Variants in DPP6 observed in about 807,000 individuals in gnomAD.
DPP6 encodes A-type potassium channel modulatory protein DPP6.
A neutral mutation model predicts 122.6 loss-of-function variants in DPP6; 69 were observed. The observed-to-expected ratio is 0.56, with a 90% confidence interval of 0.46 to 0.69. The LOEUF is 0.69. DPP6 is among the 30% of genes least tolerant of loss of function. The pLI, the probability that DPP6 is intolerant of heterozygous loss-of-function variation, is 0.00. For missense variants in DPP6, 928 were observed against 1,116.9 expected, an observed-to-expected ratio of 0.83 and a Z score of 2.41; for synonymous variants, 418 against 433.1, an observed-to-expected ratio of 0.97 and a Z score of 0.43.
chr7:154,363,152 C>T (rs572289114), intron 1 of DPP6, among the ~76,000 whole-genome samples: 29 of 152,290 alleles, frequency 1.9e-4, no homozygotes, highest in Non-Finnish European at 3.7e-4. Flanking sequence ...TTGAGATGCC[C>T]TGGTATAAGG....
At chr7:154,613,632 A>C (rs1270057168) in intron 5 of DPP6, among the ~76,000 whole-genome samples, 1 of 147,964 alleles carries the variant, frequency 6.8e-6, no homozygotes, top group African/African-American at 2.5e-5. Flanking sequence ...AAAAAAAAAA[A>C]AAAAAAAAAA....
intron 1 of DPP6, among the ~76,000 whole-genome samples, chr7:154,192,271 A>T (rs766825266): frequency 2.6e-5 from 4 of 152,236 alleles, no homozygotes; most frequent in Non-Finnish European, 5.9e-5. Flanking sequence ...AGCATCACTG[A>T]TTCCTCATGA....
intron 8 of DPP6, among the ~76,000 whole-genome samples, chr7:154,768,240 G>C (rs1463556871): frequency 6.6e-6 from 1 of 151,964 alleles, no homozygotes; most frequent in African/African-American, 2.4e-5. Flanking sequence ...AACCTGGGAG[G>C]CTGTTGATGT....
intron 1 of DPP6, among the ~76,000 whole-genome samples, chr7:154,156,359 C>G (rs1471187500): frequency 2.0e-5 from 3 of 152,144 alleles, no homozygotes; most frequent in Non-Finnish European, 2.9e-5. Context: ...TTGGCCAGGC[C>G]CAGAGTACTA....
chr7:154,461,778 G>T (rs1469483358), intron 2 of DPP6, among the ~76,000 whole-genome samples: 2 of 152,132 alleles, frequency 1.3e-5, no homozygotes, highest in African/African-American at 4.8e-5. Context: ...TCCCTTGTCA[G>T]ATGGATAGTT....
At chr7:153,962,980 C>A (rs2969630) in intron 1 of DPP6, among the ~76,000 whole-genome samples, 8,303 of 151,964 alleles carry the variant, frequency 0.055, 782 homozygotes, top group African/African-American at 0.19. Flanking sequence ...TATTTTGGGG[C>A]CTTTTTGACT....
In DPP6 at chr7:154,347,089, C is replaced by T. The variant is rs746072992; in HGVS notation, c.244-99125C>T. 2.6e-4 allele frequency among the ~76,000 whole-genome samples: 40 copies of T among 152,106 alleles called. 1 individual carries two copies. The highest frequency in any genetic ancestry group is 4.3e-4 in the Non-Finnish European group (29 of 68,024). On this transcript the variant is annotated intron_variant, in intron 1 of 25. Transcript: ENST00000377770. ...ACAAATTAGCCCTGTAATGTTATTC[C>T]ATGTCAGATTGTTGCCTTTGGCCAA... is the stretch of plus-strand genomic sequence containing the variant.
chr7:154,724,579 A>T (rs1302856546), intron 7 of DPP6, among the ~76,000 whole-genome samples: 1 of 152,040 alleles, frequency 6.6e-6, no homozygotes, highest in Non-Finnish European at 1.5e-5. Context: ...CCTCCTACTC[A>T]CACCTCTGTC....
chr7:154,732,324 G>A (rs1453686645), intron 8 of DPP6, among the ~76,000 whole-genome samples: 1 of 151,972 alleles, frequency 6.6e-6, no homozygotes, highest in African/African-American at 2.4e-5. Flanking sequence ...CAGAATTTTT[G>A]GCCAATAATT....
At chr7:154,055,272 C>T (rs1398078554) in intron 1 of DPP6, among the ~76,000 whole-genome samples, 1 of 135,820 alleles carries the variant, frequency 7.4e-6, no homozygotes, top group Non-Finnish European at 1.6e-5. Flanking sequence ...TATAATTAAA[C>T]TCATGACACA....
chr7:154,841,188 C>T (rs1256997054), intron 16 of DPP6, among the ~76,000 whole-genome samples: 3 of 152,018 alleles, frequency 2.0e-5, no homozygotes, highest in East Asian at 3.9e-4. Flanking sequence ...CTGAGAAGGC[C>T]GGGAAGTGGG....
chr7:153,754,898 G>GTT, the DPP6 span, among the ~76,000 whole-genome samples: 400 of 142,670 alleles, frequency 2.8e-3, 3 homozygotes, highest in African/African-American at 9.7e-3. Flanking sequence ...TGCTTGGATT[G>GTT]TTTTTTTTTT....
intron 1 of DPP6, among the ~76,000 whole-genome samples, chr7:154,109,720 A>G (rs1224531878): frequency 6.6e-6 from 1 of 151,070 alleles, no homozygotes; most frequent in Non-Finnish European, 1.5e-5. Flanking sequence ...AAGGGGAAAG[A>G]CAGTAAGAAT....
intron 10 of DPP6, among the ~76,000 whole-genome samples, chr7:154,781,991 G>A (rs1194706010): frequency 1.3e-5 from 2 of 152,244 alleles, no homozygotes; most frequent in Non-Finnish European, 2.9e-5. Flanking sequence ...ACTATATTCT[G>A]ATTTGAAGGC....
chr7:154,052,030 G>A (rs1800367520), upstream of DPP6, among the ~76,000 whole-genome samples: 1 of 151,614 alleles, frequency 6.6e-6, no homozygotes, highest in South Asian at 2.1e-4. This position sits in a 1 kb window ranked among gnomAD's most constrained non-coding sequence, Gnocchi z 4.8. Context: ...GCGCCCCGGG[G>A]CCGGCTGCAC....
chr7:153,813,194 A>G, the DPP6 span, among the ~76,000 whole-genome samples: 11 of 139,070 alleles, frequency 7.9e-5, no homozygotes, highest in Admixed American at 2.3e-4. Context: ...ACCCTGCAAC[A>G]GTCCCCAGAG....
intron 1 of DPP6, among the ~76,000 whole-genome samples, chr7:154,024,978 G>C (rs953510789): frequency 6.6e-6 from 1 of 152,196 alleles, no homozygotes; most frequent in African/African-American, 2.4e-5. Flanking sequence ...GAGGGACCTT[G>C]CATGTCTTAT....
chr7:154,693,071 T>A (rs1297033396), intron 7 of DPP6, among the ~76,000 whole-genome samples: 1 of 151,832 alleles, frequency 6.6e-6, no homozygotes, highest in Admixed American at 6.6e-5. Context: ...GGATTACAGG[T>A]GTGAGCCACT....
At chr7:153,915,090 C>G (rs965152072) in intron 1 of DPP6, among the ~76,000 whole-genome samples, 2 of 152,136 alleles carry the variant, frequency 1.3e-5, no homozygotes, top group African/African-American at 4.8e-5. Context: ...TGAATTCTTT[C>G]TTATAAGTGA....
Sources: gnomAD v4.1 joint callset for allele counts (sites outside exome capture counted in the v4.1 genomes callset) on GRCh38, gnomAD v4.1.1 for gene constraint, Gnocchi (gnomAD v3.1) non-coding constraint, MANE v1.5 for transcripts, NCBI Gene and HGNC (gene_info 2026-07-23, HGNC 2026-07-21) for gene names.